The following GRIK4 variants were observed in gnomAD, a reference collection of about 807,000 sequenced individuals.
The protein encoded by GRIK4 is glutamate ionotropic receptor kainate type subunit 4.
A neutral mutation model predicts 104.9 loss-of-function variants in GRIK4; 40 were observed. That is an observed-to-expected ratio of 0.38 (90% CI 0.30 to 0.50). The LOEUF (loss-of-function observed/expected upper bound fraction) is 0.50, where lower values mean the gene tolerates loss of function less well. Among genes scored for constraint, GRIK4 ranks in the 20% least tolerant of loss-of-function variants. The pLI, the probability that GRIK4 is intolerant of heterozygous loss-of-function variation, is 0.93. For synonymous variants in GRIK4, 485 were observed against 524.9 expected (o/e 0.92, Z 1.04); for missense variants, 1,047 against 1,308.1 (o/e 0.80, Z 3.08).
At chr11:120,589,168 G>A (rs1948705846) in intron 1 of GRIK4, among the ~76,000 whole-genome samples, 1 of 152,140 alleles carries the variant, frequency 6.6e-6, no homozygotes, top group Non-Finnish European at 1.5e-5. Context: ...AGGCAGTAGT[G>A]GCTAAACAAC....
intron 1 of GRIK4, among the ~76,000 whole-genome samples, chr11:120,532,033 G>T (rs1289238546): frequency 6.6e-6 from 1 of 152,116 alleles, no homozygotes; most frequent in Middle Eastern, 3.2e-3. Flanking sequence ...TCTGGATGTG[G>T]GGCAGGTGGA....
intron 1 of GRIK4, among the ~76,000 whole-genome samples, chr11:120,648,000 A>G (rs979576648): frequency 6.6e-6 from 1 of 152,136 alleles, no homozygotes; most frequent in Non-Finnish European, 1.5e-5. Flanking sequence ...TGGAGGAGGT[A>G]CAGTACCCAC....
At chr11:120,616,411 C>T (rs375269678) in intron 1 of GRIK4, among the ~76,000 whole-genome samples, 1 of 152,178 alleles carries the variant, frequency 6.6e-6, no homozygotes, top group Non-Finnish European at 1.5e-5. Context: ...CCTGAGGAAG[C>T]GCCTGTTAGA....
chr11:120,769,878 A>T (rs1410369008), intron 3 of GRIK4, among the ~76,000 whole-genome samples: 1 of 152,194 alleles, frequency 6.6e-6, no homozygotes, highest in African/African-American at 2.4e-5. Flanking sequence ...CATGGTGGAC[A>T]AAGCCTGCAC....
intron 1 of GRIK4, among the ~76,000 whole-genome samples, chr11:120,647,307 A>G (rs1949557131): frequency 6.6e-6 from 1 of 152,206 alleles, no homozygotes; most frequent in East Asian, 1.9e-4. Context: ...CCACATTCAC[A>G]CTACCCCCAA....
intron 3 of GRIK4, among the ~76,000 whole-genome samples, chr11:120,714,704 G>A (rs959207721): frequency 6.6e-6 from 1 of 152,222 alleles, no homozygotes; most frequent in African/African-American, 2.4e-5. Context: ...AAAGGTAGAT[G>A]TTACTCTAGA....
rs1192202476 is a variant in GRIK4, at chr11:120,903,789, G to A, written c.1273-1501G>A. On this transcript the variant is annotated intron_variant, in intron 12 of 20. Transcript: ENST00000527524. This position sits in a 1 kb window ranked among gnomAD's most constrained non-coding sequence, Gnocchi z 4.4. ...CCCTTAGCTCCTAACCTGTCAAAAT[G>A]CTGAACAGCCCTCACTCCTGTGGCA... Among the ~76,000 whole-genome samples, 1 of 152,142 alleles carries A rather than the reference G, an allele frequency of 6.6e-6. No individual in the cohort carries two copies. The highest frequency in any genetic ancestry group is 1.5e-5 in the Non-Finnish European group (1 of 68,032).
intron 3 of GRIK4, among the ~76,000 whole-genome samples, chr11:120,681,214 G>T (rs1189379733): frequency 6.6e-6 from 1 of 152,188 alleles, no homozygotes; most frequent in Non-Finnish European, 1.5e-5. Flanking sequence ...ACTAGAGAGG[G>T]CCTGGGGTAA....
chr11:120,890,126 TA>T (rs1955242934), intron 11 of GRIK4, among the ~76,000 whole-genome samples: 1 of 152,192 alleles, frequency 6.6e-6, no homozygotes, highest in Admixed American at 6.5e-5. Context: ...CGTTAAATGG[TA>T]CCATTATCTT....
intron 1 of GRIK4, among the ~76,000 whole-genome samples, chr11:120,527,431 G>C (rs182585931): frequency 2.4e-4 from 37 of 152,314 alleles, no homozygotes; most frequent in African/African-American, 7.9e-4. Flanking sequence ...GACCCCTGCC[G>C]GTGAGAGAGG....
intron 1 of GRIK4, among the ~76,000 whole-genome samples, chr11:120,638,905 G>A (rs944319409): frequency 2.0e-5 from 3 of 152,002 alleles, no homozygotes; most frequent in African/African-American, 7.2e-5. Context: ...CAGGGGTCAG[G>A]CCTGGAGCAA....
chr11:120,781,860 A>G (rs1173245773), intron 3 of GRIK4, among the ~76,000 whole-genome samples: 1 of 152,180 alleles, frequency 6.6e-6, no homozygotes, highest in Admixed American at 6.5e-5. Flanking sequence ...CCTTGAGGCC[A>G]TGTGACAACC....
At chr11:120,522,243 A>G (rs1354433891) in intron 1 of GRIK4, among the ~76,000 whole-genome samples, 1 of 152,258 alleles carries the variant, frequency 6.6e-6, no homozygotes, top group Non-Finnish European at 1.5e-5. Context: ...GAATGTGCTC[A>G]GTCAATGCAA....
intron 19 of GRIK4, among the ~76,000 whole-genome samples, chr11:120,977,560 A>G (rs1944581906): frequency 6.6e-6 from 1 of 152,256 alleles, no homozygotes; most frequent in South Asian, 2.1e-4. Context: ...CCAGCAATCT[A>G]TTCTTGCTTC....
At chr11:120,568,827 C>T (rs946843461) in intron 1 of GRIK4, among the ~76,000 whole-genome samples, 13 of 152,114 alleles carry the variant, frequency 8.5e-5, no homozygotes, top group Non-Finnish European at 1.5e-4. Context: ...TCCCTTTTCC[C>T]AGCATGGAGA....
intron 3 of GRIK4, among the ~76,000 whole-genome samples, chr11:120,669,699 G>T (rs1949982136): frequency 6.6e-6 from 1 of 152,164 alleles, no homozygotes; most frequent in Admixed American, 6.5e-5. Flanking sequence ...TCTTGTTCTT[G>T]CACTGTTTCT....
intron 1 of GRIK4, among the ~76,000 whole-genome samples, chr11:120,585,884 C>A (rs186447136): frequency 1.3e-5 from 2 of 152,174 alleles, no homozygotes; most frequent in Admixed American, 6.5e-5. Context: ...TGAGTTCTGG[C>A]TTGAGAAACT....
At chr11:120,917,389 G>A (rs540636268) in intron 13 of GRIK4, among the ~76,000 whole-genome samples, 5 of 152,282 alleles carry the variant, frequency 3.3e-5, no homozygotes, top group African/African-American at 1.2e-4. Flanking sequence ...CTGTGCTGGG[G>A]TGTGGGGTAA....
chr11:120,904,087 C>T (rs1399195414), intron 12 of GRIK4, among the ~76,000 whole-genome samples: 2 of 151,676 alleles, frequency 1.3e-5, no homozygotes, highest in African/African-American at 4.8e-5. Flanking sequence ...CCCAGGGCCT[C>T]TTCTTCTTCC....
Sources: gnomAD v4.1 joint callset for allele counts (sites outside exome capture counted in the v4.1 genomes callset) on GRCh38, gnomAD v4.1.1 for gene constraint, Gnocchi (gnomAD v3.1) non-coding constraint, MANE v1.5 for transcripts, NCBI Gene and HGNC (gene_info 2026-07-23, HGNC 2026-07-21) for gene names.